PARD3B: variants seen among roughly 807,000 people sequenced by gnomAD.
PARD3B encodes partitioning defective 3 homolog B.
A neutral mutation model predicts 130.2 loss-of-function variants in PARD3B; 103 were observed. The observed-to-expected ratio is 0.79, with a 90% confidence interval of 0.67 to 0.93. The LOEUF is 0.93. Ranked by LOEUF, PARD3B falls within the 40% of genes least tolerant of loss-of-function variation. The probability of loss-of-function intolerance (pLI) is 0.00; values close to 1 mark genes in which losing one functional copy is unlikely to be tolerated. For synonymous variants in PARD3B, 583 were observed against 553.2 expected (o/e 1.05, Z -0.76); for missense variants, 1,609 against 1,499.2 (o/e 1.07, Z -1.21).
At chr2:205,137,603 C>T (rs1434802990) in intron 10 of PARD3B, among the ~76,000 whole-genome samples, 14 of 152,170 alleles carry the variant, frequency 9.2e-5, no homozygotes, top group Non-Finnish European at 4.4e-5. Flanking sequence ...TATTATTTCT[C>T]GCAGTTCTGT....
chr2:204,582,123 AAGGTATG>A (rs2032587700), intron 1 of PARD3B, among the ~76,000 whole-genome samples: 1 of 152,156 alleles, frequency 6.6e-6, no homozygotes, highest in Non-Finnish European at 1.5e-5. Flanking sequence ...GAATGTTCCC[AAGGTATG>A]AGGCACCTCT....
chr2:205,132,877 AT>A (rs1242995085), intron 10 of PARD3B, among the ~76,000 whole-genome samples: 1 of 152,222 alleles, frequency 6.6e-6, no homozygotes, highest in East Asian at 1.9e-4. Flanking sequence ...AATCCTTGTT[AT>A]TTCCTGTGCC....
chr2:205,471,655 G>A (rs1380640671), intron 20 of PARD3B, among the ~76,000 whole-genome samples: 3 of 152,048 alleles, frequency 2.0e-5, no homozygotes, highest in Non-Finnish European at 2.9e-5. Flanking sequence ...GAGCCACCAC[G>A]CCCGGCCCTC....
chr2:205,097,383 G>T (rs767183538), intron 4 of PARD3B, among the ~76,000 whole-genome samples: 3 of 152,166 alleles, frequency 2.0e-5, no homozygotes, highest in Non-Finnish European at 4.4e-5. Flanking sequence ...AACACAACAT[G>T]TAAAAGGAGA....
chr2:205,093,059 C>T (rs1408073671), intron 4 of PARD3B, among the ~76,000 whole-genome samples: 1 of 152,092 alleles, frequency 6.6e-6, no homozygotes, highest in African/African-American at 2.4e-5. Context: ...GCCAGAGATG[C>T]CTCTGGCAAT....
chr2:205,402,970 A>C (rs1441195267), intron 19 of PARD3B, among the ~76,000 whole-genome samples: 3 of 152,126 alleles, frequency 2.0e-5, no homozygotes, highest in Non-Finnish European at 4.4e-5. Context: ...GTGGAGGTGG[A>C]GGCTGAACAT....
intron 5 of PARD3B, among the ~76,000 whole-genome samples, chr2:205,109,055 C>T (rs1257506403): frequency 6.6e-6 from 1 of 151,916 alleles, no homozygotes; most frequent in Non-Finnish European, 1.5e-5. Context: ...AGATTATAAA[C>T]TCCTCAAGCA....
At chr2:204,878,398 C>T (rs576406748) in intron 2 of PARD3B, among the ~76,000 whole-genome samples, 1 of 152,100 alleles carries the variant, frequency 6.6e-6, no homozygotes, top group South Asian at 2.1e-4. Flanking sequence ...AATTGTTAAA[C>T]ATAAAAACCA....
chr2:204,565,515 A>G (rs1268041737), intron 1 of PARD3B, among the ~76,000 whole-genome samples: 1 of 152,224 alleles, frequency 6.6e-6, no homozygotes, highest in Non-Finnish European at 1.5e-5. Context: ...GACATATTTC[A>G]TTATATAATA....
chr2:204,563,260 TCTCTC>T (rs1315490059), intron 1 of PARD3B, among the ~76,000 whole-genome samples: 51 of 143,206 alleles, frequency 3.6e-4, no homozygotes, highest in African/African-American at 1.2e-3. Context: ...TCTCTCTCTC[TCTCTC>T]TTTCTCTCTT....
rs374683873 is a variant in PARD3B, at chr2:205,572,520, G to T, written c.3260+19117G>T. 6.6e-6 allele frequency among the ~76,000 whole-genome samples: 1 copy of T among 152,170 alleles called. No homozygotes were observed. Among genetic ancestry groups the T allele is most frequent in the African/African-American group, 2.4e-5 (1 of 41,438 alleles). Reference sequence around the variant, plus strand: ...AGCACTTTGGGAGGCCAAGGCAGGCGGATTGCCTGAGCTCAGGAGTTTGAG... The same window carrying T: ...AGCACTTTGGGAGGCCAAGGCAGGCTGATTGCCTGAGCTCAGGAGTTTGAG... On this transcript the variant is annotated intron_variant, in intron 22 of 22. Coordinates refer to ENST00000406610, the MANE Select transcript of PARD3B (RefSeq NM_001302769.2). The surrounding 1 kb of genome is among the most constrained non-coding windows in gnomAD (Gnocchi z 4.2).
chr2:205,217,864 GTGTGTATATATA>G (rs1431440682), intron 15 of PARD3B, among the ~76,000 whole-genome samples: 20 of 76,720 alleles, frequency 2.6e-4, no homozygotes, highest in African/African-American at 1.1e-3. Flanking sequence ...GTGTGTGTGT[GTGTGTATATATA>G]TATATATATA....
In PARD3B at chr2:204,613,747, G is replaced by A. The variant is rs534492961; in HGVS notation, c.120+67628G>A. Among the ~76,000 whole-genome samples the A allele has an allele frequency of 2.0e-5, 3 of 152,054 alleles. No homozygotes were observed. In the East Asian group the frequency reaches 5.8e-4, roughly 29 times the overall value. ...ATGAACTTTGTTTTATTCCTTTTAA[G>A]CATAGCTATTGTATGGGTGCAATAT... is the stretch of plus-strand genomic sequence containing the variant. On this transcript the variant is annotated intron_variant, in intron 1 of 22. Transcript: ENST00000406610.
intron 3 of PARD3B, among the ~76,000 whole-genome samples, chr2:204,966,095 C>T (rs1691216641): frequency 6.6e-6 from 1 of 152,122 alleles, no homozygotes; most frequent in Admixed American, 6.6e-5. Flanking sequence ...AGAACAGAGG[C>T]TTATTCCACT....
chr2:205,108,901 T>C (rs1193417218), intron 5 of PARD3B, among the ~76,000 whole-genome samples: 1 of 152,194 alleles, frequency 6.6e-6, no homozygotes, highest in African/African-American at 2.4e-5. Context: ...GTTTACTTTA[T>C]AGATTTAGTA....
chr2:204,603,884 T>A (rs913656782), intron 1 of PARD3B, among the ~76,000 whole-genome samples: 3 of 152,202 alleles, frequency 2.0e-5, no homozygotes, highest in Admixed American at 6.5e-5. Flanking sequence ...TCCAGGATAA[T>A]CCCGCCTGGG....
chr2:205,191,531 T>C (rs1276097164), intron 14 of PARD3B, among the ~76,000 whole-genome samples: 1 of 152,122 alleles, frequency 6.6e-6, no homozygotes, highest in Non-Finnish European at 1.5e-5. Flanking sequence ...TGGGAAAAAC[T>C]CAGAAATTTA....
chr2:204,959,181 A>G (rs574609192), intron 2 of PARD3B, among the ~76,000 whole-genome samples: 4 of 151,920 alleles, frequency 2.6e-5, no homozygotes, highest in African/African-American at 4.8e-5. Flanking sequence ...CACTGTGTCC[A>G]TGTGTTCCCA....
chr2:205,123,443 AG>A lies in PARD3B; in HGVS notation c.1166-882del, dbSNP rs147006560. Among the ~76,000 whole-genome samples, 750 of 152,238 alleles carry A rather than the reference AG, an allele frequency of 4.9e-3. 5 individuals carry two copies. The highest frequency in any genetic ancestry group is 0.016 in the African/African-American group (681 of 41,550). Reference sequence around the variant, plus strand: ...AGAGACATTGGAGCCATAGAGATTTAGGTCTCTTTCATTGGAAGATATACTT... The same window carrying A: ...AGAGACATTGGAGCCATAGAGATTTAGTCTCTTTCATTGGAAGATATACTT... On this transcript the variant is annotated intron_variant, in intron 8 of 22. Coordinates refer to ENST00000406610, the MANE Select transcript of PARD3B (RefSeq NM_001302769.2).
Sources: gnomAD v4.1 joint callset for allele counts (sites outside exome capture counted in the v4.1 genomes callset) on GRCh38, gnomAD v4.1.1 for gene constraint, Gnocchi (gnomAD v3.1) non-coding constraint, MANE v1.5 for transcripts, NCBI Gene and HGNC (gene_info 2026-07-23, HGNC 2026-07-21) for gene names.